CNTN1: variants seen among roughly 807,000 people sequenced by gnomAD.
The protein encoded by CNTN1 is contactin-1.
In CNTN1, 38 loss-of-function variants were observed where a neutral mutation model predicts 126.4. The ratio of observed to expected loss-of-function variants is 0.30; its 90% CI spans 0.23 to 0.39. The LOEUF (loss-of-function observed/expected upper bound fraction) is 0.39, where lower values mean the gene tolerates loss of function less well. CNTN1 is among the 10% of genes least tolerant of loss of function. CNTN1 has a pLI of 1.00. For synonymous variants in CNTN1, 413 were observed against 422.6 expected, an observed-to-expected ratio of 0.98 and a Z score of 0.28; for missense variants, 1,009 against 1,248.4, an observed-to-expected ratio of 0.81 and a Z score of 2.89.
At chr12:41,003,397 C>A (rs892795146) in intron 17 of CNTN1, among the ~76,000 whole-genome samples, 5 of 151,984 alleles carry the variant, frequency 3.3e-5, no homozygotes, top group African/African-American at 4.8e-5. Flanking sequence ...GGATATTGGC[C>A]TGAAGGTTTC....
intron 14 of CNTN1, among the ~76,000 whole-genome samples, chr12:40,952,429 AC>A (rs1295269699): frequency 3.9e-4 from 60 of 152,258 alleles, no homozygotes; most frequent in Admixed American, 3.6e-3. Context: ...CATTTAAAAA[AC>A]ATTCAGTAAA....
intron 1 of CNTN1, among the ~76,000 whole-genome samples, chr12:40,790,755 CT>C (rs946677057): frequency 1.3e-5 from 2 of 152,096 alleles, no homozygotes; most frequent in African/African-American, 4.8e-5. Flanking sequence ...CGATGTGAAT[CT>C]TTTTTTGTCC....
chr12:41,001,349 T>C (rs969725092), intron 17 of CNTN1, among the ~76,000 whole-genome samples: 1 of 152,206 alleles, frequency 6.6e-6, no homozygotes, highest in African/African-American at 2.4e-5. Context: ...CTTTCTCTAA[T>C]GATCATTATG....
At chr12:41,018,109 T>A (rs1948823758) in intron 19 of CNTN1, among the ~76,000 whole-genome samples, 1 of 151,370 alleles carries the variant, frequency 6.6e-6, no homozygotes, top group Non-Finnish European at 1.5e-5. Flanking sequence ...AAAATAATAA[T>A]AATAATAATA....
chr12:41,039,962 A>G (rs1001543384), intron 23 of CNTN1, among the ~76,000 whole-genome samples: 1 of 152,152 alleles, frequency 6.6e-6, no homozygotes, highest in Admixed American at 6.6e-5. Context: ...CCCCTGTGGA[A>G]TCAGTGTCTC....
chr12:40,708,646 T>C (rs1352038486), intron 1 of CNTN1, among the ~76,000 whole-genome samples: 1 of 152,220 alleles, frequency 6.6e-6, no homozygotes, highest in Non-Finnish European at 1.5e-5. Context: ...AGAACTTCTT[T>C]CAAAATTGGA....
At chr12:40,782,897 G>A (rs1939860182) in intron 1 of CNTN1, among the ~76,000 whole-genome samples, 1 of 151,940 alleles carries the variant, frequency 6.6e-6, no homozygotes, top group African/African-American at 2.4e-5. Context: ...AGAAGCAATA[G>A]AGGAAGGGTG....
chr12:40,837,458 C>T (rs1337270888), intron 1 of CNTN1, among the ~76,000 whole-genome samples: 1 of 152,124 alleles, frequency 6.6e-6, no homozygotes, highest in East Asian at 1.9e-4. Flanking sequence ...TATAGGAGAA[C>T]CCCTTATTAT....
In CNTN1 at chr12:41,027,864, C is replaced by G. The variant is rs373746486; in HGVS notation, c.2718C>G (p.Ser906Arg). 2 of 1,610,482 alleles carry G rather than the reference C, an allele frequency of 1.2e-6. No homozygotes were observed. ...IEAFTKKAPP[S>R]QPPRIISSVR... ...TATTACTACTTTTCACAGCTCCTAG[C>G]CAGCCTCCAAGGATCATCAGTTCAG... is the stretch of plus-strand genomic sequence containing the variant. The change falls in exon 22 of 24, where the codon AGC (serine) becomes AGG (arginine). Residue 906 changes from serine to arginine, a missense_variant. By Grantham distance (110) the Ser-to-Arg change is moderately radical. Transcript: ENST00000551295.
chr12:40,787,913 G>A (rs559737520), intron 1 of CNTN1, among the ~76,000 whole-genome samples: 9 of 152,256 alleles, frequency 5.9e-5, no homozygotes, highest in African/African-American at 2.2e-4. Context: ...CTCTTATGTA[G>A]AGGATAGAAT....
chr12:40,880,602 G>A (rs1245595990), intron 1 of CNTN1, among the ~76,000 whole-genome samples: 1 of 152,002 alleles, frequency 6.6e-6, no homozygotes, highest in Non-Finnish European at 1.5e-5. Context: ...TAAGCAAGTA[G>A]ATGATGTAGT....
intron 1 of CNTN1, among the ~76,000 whole-genome samples, chr12:40,706,934 C>T (rs1941756837): frequency 6.6e-6 from 1 of 152,204 alleles, no homozygotes; most frequent in South Asian, 2.1e-4. Context: ...AACAGTGTCT[C>T]TGTTGCTTCT....
At chr12:40,733,795 G>A (rs186753064) in intron 1 of CNTN1, among the ~76,000 whole-genome samples, 97 of 152,168 alleles carry the variant, frequency 6.4e-4, no homozygotes, top group Non-Finnish European at 1.2e-3. Flanking sequence ...GTCTCTGAAA[G>A]AGTACAGTCT....
At chr12:40,920,516 G>A (rs1036348471) in intron 4 of CNTN1, among the ~76,000 whole-genome samples, 2 of 152,040 alleles carry the variant, frequency 1.3e-5, no homozygotes, top group South Asian at 4.2e-4. Context: ...AAAGTGGGGG[G>A]AAAGAACAGA....
chr12:40,962,868 G>A (rs1947155066), intron 15 of CNTN1, among the ~76,000 whole-genome samples: 1 of 152,038 alleles, frequency 6.6e-6, no homozygotes, highest in Non-Finnish European at 1.5e-5. Context: ...TTTTATATGA[G>A]TTATATCTGT....
intron 1 of CNTN1, among the ~76,000 whole-genome samples, chr12:40,744,412 C>T (rs988986408): frequency 6.6e-6 from 1 of 151,914 alleles, no homozygotes; most frequent in African/African-American, 2.4e-5. Flanking sequence ...GAATAGCCTG[C>T]ATTTGGGAAC....
chr12:40,746,899 T>G (rs557514253), intron 1 of CNTN1, among the ~76,000 whole-genome samples: 1 of 152,020 alleles, frequency 6.6e-6, no homozygotes, highest in Non-Finnish European at 1.5e-5. Context: ...CAGGTGTTTT[T>G]ATCTATTAGG....
chr12:40,937,182 C>T (rs943749448), intron 10 of CNTN1, among the ~76,000 whole-genome samples: 1 of 151,960 alleles, frequency 6.6e-6, no homozygotes. Context: ...ATCTCCAATA[C>T]CTGATATTGT....
chr12:40,987,729 C>A (rs1429880560), intron 16 of CNTN1, among the ~76,000 whole-genome samples: 1 of 152,038 alleles, frequency 6.6e-6, no homozygotes, highest in African/African-American at 2.4e-5. Context: ...AGATTATTTC[C>A]CTAAAATAGA....
Sources: gnomAD v4.1 joint callset for allele counts (sites outside exome capture counted in the v4.1 genomes callset) on GRCh38, gnomAD v4.1.1 for gene constraint, MANE v1.5 for transcripts, NCBI Gene and HGNC (gene_info 2026-07-23, HGNC 2026-07-21) for gene names.